Variants in ZNF267 observed in about 807,000 individuals in gnomAD.
ZNF267 encodes the protein zinc finger protein 267.
In ZNF267, 61 loss-of-function variants were observed where a neutral mutation model predicts 71.6. That is an observed-to-expected ratio of 0.85 (90% CI 0.69 to 1.05). ZNF267 has a LOEUF of 1.05. Among genes scored for constraint, ZNF267 ranks in the 50% least tolerant of loss-of-function variants. The probability of loss-of-function intolerance (pLI) is 0.00; values close to 1 mark genes in which losing one functional copy is unlikely to be tolerated. For synonymous variants in ZNF267, 288 were observed against 293.2 expected (o/e 0.98, Z 0.18); for missense variants, 852 against 870.0 (o/e 0.98, Z 0.26).
chr16:31,906,291 C>G (rs765997234), intron 3 of ZNF267, among the ~76,000 whole-genome samples: 51 of 152,222 alleles, frequency 3.4e-4, no homozygotes, highest in Non-Finnish European at 6.3e-4. Context: ...AGAACCACTA[C>G]TCTCTTCAAA....
At chr16:31,898,274 A>C (rs2084014458) in intron 3 of ZNF267, among the ~76,000 whole-genome samples, 1 of 152,066 alleles carries the variant, frequency 6.6e-6, no homozygotes, top group African/African-American at 2.4e-5. Flanking sequence ...ATTTTGTCTG[A>C]TAGTATTTTA....
At position 31,915,353 on chromosome 16, in the gene ZNF267, T is replaced by C; in HGVS notation, c.1104T>C (p.Thr368=). The part of the protein sequence containing the change: ...VFNLNCSLYL[T]KQQQIDTGEN... ...ACCTTAACTGTAGTTTATACCTTAC[T>C]AAACAGCAGCAAATTGATACTGGAG... The change falls in exon 4 of 4, where the codon ACT becomes ACC. Residue 368 remains threonine (T), a synonymous_variant. Coordinates refer to ENST00000300870, the MANE Select transcript of ZNF267 (RefSeq NM_003414.6). 3 of 1,613,604 alleles carry C rather than the reference T, an allele frequency of 1.9e-6. No homozygotes were observed. Among genetic ancestry groups the C allele is most frequent in the Non-Finnish European group, 2.5e-6 (3 of 1,179,836 alleles).
At chr16:31,878,406 G>A (rs1197651361) in intron 1 of ZNF267, among the ~76,000 whole-genome samples, 1 of 152,080 alleles carries the variant, frequency 6.6e-6, no homozygotes, top group Non-Finnish European at 1.5e-5. Flanking sequence ...TACCAACTAG[G>A]CATTGACATG....
chr16:31,905,741 T>G (rs115420899), intron 3 of ZNF267, among the ~76,000 whole-genome samples: 2,107 of 152,282 alleles, frequency 0.014, 58 homozygotes, highest in African/African-American at 0.048. Flanking sequence ...ACTTCCTCGT[T>G]TAGCTCAGAG....
intron 1 of ZNF267, among the ~76,000 whole-genome samples, chr16:31,878,348 C>T (rs2083866438): frequency 6.6e-6 from 1 of 152,058 alleles, no homozygotes; most frequent in South Asian, 2.1e-4. Flanking sequence ...GAAGAGACCC[C>T]CTCCCCGACC....
intron 1 of ZNF267, chr16:31,875,394 T>C (rs1291149319): frequency 1.2e-5 from 13 of 1,104,270 alleles, no homozygotes; most frequent in Non-Finnish European, 1.5e-5. Flanking sequence ...AGATAACCCC[T>C]TGGGACATAA....
In ZNF267 at chr16:31,915,720, C is replaced by T; in HGVS notation, c.1471C>T (p.Pro491Ser). Residue 491 changes from proline (P) to serine (S), a missense_variant, in exon 4 of 4, where the codon CCT (proline) becomes TCT (serine). By Grantham distance (74) the Pro-to-Ser change is moderately conservative (BLOSUM62 -1). Coordinates refer to ENST00000300870, the MANE Select transcript of ZNF267 (RefSeq NM_003414.6). ...MHQRVHTGEK[P>S]YKCKECGKVF... ...TCAGAGAGTTCATACTGGAGAGAAGCCTTATAAATGTAAAGAATGTGGCAA... is the reference window on the plus strand; with the variant it reads ...TCAGAGAGTTCATACTGGAGAGAAGTCTTATAAATGTAAAGAATGTGGCAA... 1 of 1,613,300 alleles carries T rather than the reference C, an allele frequency of 6.2e-7. No homozygotes were observed.
chr16:31,887,285 G>T (rs1181773295), intron 3 of ZNF267, among the ~76,000 whole-genome samples: 1 of 149,904 alleles, frequency 6.7e-6, no homozygotes. Context: ...AATTGTGTGA[G>T]ATTCTTAATA....
Position 31,884,589 on chromosome 16 carries a change from T to C in ZNF267, c.95T>C (p.Val32Ala). ...GCTCAGAAGAATTTGTATCAGGATGTGATGTTAGAAAACTACAGAAACCTG... is the reference window on the plus strand; with the variant it reads ...GCTCAGAAGAATTTGTATCAGGATGCGATGTTAGAAAACTACAGAAACCTG... Reference protein sequence around the residue: ...EPAQKNLYQDVMLENYRNLVS... With the variant: ...EPAQKNLYQDAMLENYRNLVS... The change falls in exon 2 of 4, where the codon GTG (valine) becomes GCG (alanine). Residue 32 changes from valine (V) to alanine (A), a missense_variant. Physicochemically the swap from Val to Ala is moderately conservative, Grantham distance 64 (BLOSUM62 0). Coordinates refer to ENST00000300870, the MANE Select transcript of ZNF267 (RefSeq NM_003414.6). 1.2e-6 allele frequency: 2 copies of C among 1,614,118 alleles called. No homozygotes were observed. Among genetic ancestry groups the C allele is most frequent in the Non-Finnish European group, 1.7e-6 (2 of 1,179,986 alleles).
chr16:31,886,481 T>C (rs2083925358), intron 3 of ZNF267, among the ~76,000 whole-genome samples: 1 of 152,172 alleles, frequency 6.6e-6, no homozygotes, highest in African/African-American at 2.4e-5. Context: ...GCAAAAGATC[T>C]AGGTTGTGTG....
chr16:31,890,942 C>T (rs977640656), intron 3 of ZNF267, among the ~76,000 whole-genome samples: 2 of 152,138 alleles, frequency 1.3e-5, no homozygotes, highest in East Asian at 3.8e-4. Flanking sequence ...ATAATTTAAT[C>T]TCTTTATATG....
At chr16:31,886,639 A>G (rs2083926446) in intron 3 of ZNF267, among the ~76,000 whole-genome samples, 1 of 152,234 alleles carries the variant, frequency 6.6e-6, no homozygotes, top group African/African-American at 2.4e-5. Context: ...CTGCTACTGT[A>G]GAGTATCATT....
At chr16:31,886,801 A>G (rs535993939) in intron 3 of ZNF267, among the ~76,000 whole-genome samples, 2 of 152,342 alleles carry the variant, frequency 1.3e-5, no homozygotes, top group South Asian at 4.1e-4. Context: ...TATTCTATAT[A>G]TTGTGAATAA....
intron 3 of ZNF267, among the ~76,000 whole-genome samples, chr16:31,909,246 C>T (rs1001518304): frequency 1.5e-4 from 22 of 151,262 alleles, no homozygotes; most frequent in African/African-American, 3.6e-4. Flanking sequence ...ATTCTCCTGC[C>T]GCAGCCTCCC....
intron 1 of ZNF267, among the ~76,000 whole-genome samples, chr16:31,884,011 C>G (rs2083907411): frequency 6.6e-6 from 1 of 152,098 alleles, no homozygotes; most frequent in Admixed American, 6.5e-5. Flanking sequence ...TGCACTCCAG[C>G]CTGGGTGGCA....
chr16:31,874,081 G>T, intron 1 of ZNF267, 112 bp downstream of exon 1: 1 of 1,245,852 alleles, frequency 8.0e-7, no homozygotes, highest in Non-Finnish European at 1.1e-6. Context: ...CGGGGTCTGG[G>T]CCCCGAGTCC....
Position 31,916,449 on chromosome 16 carries a change from C to T in ZNF267, c.2200C>T (p.His734Tyr). 6.2e-7 allele frequency: 1 copy of T among 1,613,342 alleles called. No homozygotes were observed. Among genetic ancestry groups the T allele is most frequent in the Non-Finnish European group, 8.5e-7 (1 of 1,179,680 alleles). Residue 734 changes from histidine (H) to tyrosine (Y), a missense_variant, in exon 4 of 4, where the codon CAT becomes TAT. Coordinates refer to ENST00000300870, the MANE Select transcript of ZNF267 (RefSeq NM_003414.6). The stretch of plus-strand genomic sequence containing the variant: ...TAACTCTAGGTCATACCTCATTGCA[C>T]ATCAGAGAAGTCATACTAGAGAAAA... ...AFNSRSYLIA[H>Y]QRSHTREKL
intron 3 of ZNF267, among the ~76,000 whole-genome samples, chr16:31,896,886 T>A (rs2084003205): frequency 2.0e-5 from 3 of 152,168 alleles, no homozygotes; most frequent in Admixed American, 2.0e-4. Flanking sequence ...TTTAATTATA[T>A]CTTTTCAATC....
chr16:31,911,334 G>A (rs2084133705), intron 3 of ZNF267, among the ~76,000 whole-genome samples: 1 of 151,532 alleles, frequency 6.6e-6, no homozygotes, highest in African/African-American at 2.4e-5. Context: ...AATACTCTAT[G>A]TCTCAGTGCT....
Sources: allele counts gnomAD v4.1 joint callset (sites outside exome capture counted in the v4.1 genomes callset), GRCh38; gene constraint gnomAD v4.1.1; transcripts MANE v1.5; gene names NCBI Gene and HGNC (gene_info 2026-07-23, HGNC 2026-07-21).